The following AMOTL1 variants were observed in gnomAD, a reference collection of about 807,000 sequenced individuals.
The protein encoded by AMOTL1 is angiomotin like 1.
AMOTL1 carries 45 observed loss-of-function variants against 102.9 expected under a neutral mutation model. The ratio of observed to expected loss-of-function variants is 0.44; its 90% CI spans 0.34 to 0.56. The LOEUF (loss-of-function observed/expected upper bound fraction) is 0.56, where lower values mean the gene tolerates loss of function less well. AMOTL1 is among the 20% of genes least tolerant of loss of function. The probability of loss-of-function intolerance (pLI) is 0.01; values close to 1 mark genes in which losing one functional copy is unlikely to be tolerated. For synonymous variants in AMOTL1, 481 were observed against 484.7 expected, an observed-to-expected ratio of 0.99 and a Z score of 0.10; for missense variants, 1,114 against 1,225.6, an observed-to-expected ratio of 0.91 and a Z score of 1.36.
chr11:94,776,351 G>T (rs978606790), intron 1 of AMOTL1, among the ~76,000 whole-genome samples: 2 of 152,146 alleles, frequency 1.3e-5, no homozygotes, highest in South Asian at 2.1e-4. Context: ...CCCTTCCTTT[G>T]CATGTCTCTA....
chr11:94,829,278 C>G (rs894906844), intron 4 of AMOTL1, among the ~76,000 whole-genome samples: 2 of 147,890 alleles, frequency 1.4e-5, no homozygotes, highest in African/African-American at 5.0e-5. Context: ...GGCTGGAGTG[C>G]AGTGACGTGA....
chr11:94,870,831 A>T lies in AMOTL1; in HGVS notation c.*36A>T. 2 of 1,513,580 alleles carry T rather than the reference A, an allele frequency of 1.3e-6. No individual in the cohort carries two copies. Among genetic ancestry groups the T allele is most frequent in the Non-Finnish European group, 1.8e-6 (2 of 1,114,588 alleles). 93.8% of individuals were successfully genotyped at this position (1,513,580 alleles called of 1,614,324 possible). Reference sequence around the variant, plus strand: ...TGTGGAATTTCAGTACAGAACACTGACAAACAAGGAAAGCGGCAGAGAAAG... The same window carrying T: ...TGTGGAATTTCAGTACAGAACACTGTCAAACAAGGAAAGCGGCAGAGAAAG... On this transcript the variant is annotated 3_prime_UTR_variant, in exon 13 of 13. Coordinates refer to ENST00000433060, the MANE Select transcript of AMOTL1 (RefSeq NM_130847.3).
intron 3 of AMOTL1, chr11:94,820,264 T>C (rs1271759937): frequency 1.3e-5 from 2 of 152,316 alleles, no homozygotes; most frequent in African/African-American, 4.8e-5. Flanking sequence ...CTCTCCTCAG[T>C]TCTCACCTAG....
intron 7 of AMOTL1, 116 bp downstream of exon 7, chr11:94,850,375 C>CTTTAACCAGAGCCAATTCCA (rs1421294895): frequency 7.5e-7 from 1 of 1,326,520 alleles, no homozygotes; most frequent in Non-Finnish European, 1.0e-6. Context: ...GGAGTTGAGA[C>CTTTAACCAGAGCCAATTCCA]AGGGGAGGGA....
At chr11:94,862,048 C>T (rs1441907607) in intron 9 of AMOTL1, among the ~76,000 whole-genome samples, 2 of 152,182 alleles carry the variant, frequency 1.3e-5, no homozygotes, top group African/African-American at 4.8e-5. Context: ...CCCAGTCCCA[C>T]TGTTCCCCTT....
chr11:94,848,010 G>T (rs1489048763), intron 6 of AMOTL1, among the ~76,000 whole-genome samples: 1 of 152,138 alleles, frequency 6.6e-6, no homozygotes, highest in Non-Finnish European at 1.5e-5. Context: ...AGATCCTGTG[G>T]TTCATCTCCA....
At chr11:94,753,001 G>C (rs966468753) in intron 3 of AMOTL1, among the ~76,000 whole-genome samples, 1 of 152,030 alleles carries the variant, frequency 6.6e-6, no homozygotes, top group Non-Finnish European at 1.5e-5. Context: ...TAGACTTTAG[G>C]CTCCTTTTAT....
intron 5 of AMOTL1, among the ~76,000 whole-genome samples, chr11:94,830,549 C>G (rs150551208): frequency 1.3e-5 from 2 of 152,356 alleles, no homozygotes; most frequent in East Asian, 3.9e-4. Flanking sequence ...GACGCACAAC[C>G]CTTTCCACAT....
At chr11:94,747,121 C>T (rs907523115) in intron 3 of AMOTL1, among the ~76,000 whole-genome samples, 2 of 151,968 alleles carry the variant, frequency 1.3e-5, no homozygotes, top group Non-Finnish European at 2.9e-5. Context: ...TTTGAAAGTC[C>T]AATTTTTAAA....
At position 94,821,828 on chromosome 11, in the gene AMOTL1, G is replaced by A. The variant is rs1273694688; in HGVS notation, c.1413+7G>A. 7 of 1,612,024 alleles carry A rather than the reference G, an allele frequency of 4.3e-6. No individual in the cohort carries two copies. The East Asian group carries it at 1.3e-4, about 31-fold the overall frequency. On this transcript the variant is annotated splice_region_variant and intron_variant, in intron 4 of 12. Coordinates refer to ENST00000433060, the MANE Select transcript of AMOTL1 (RefSeq NM_130847.3). Reference sequence around the variant, plus strand: ...TGCCGACAAGCTCCACAAGGTGCGTGACTTCCCTGGGGAATGGGAGGGAGA... The same window carrying A: ...TGCCGACAAGCTCCACAAGGTGCGTAACTTCCCTGGGGAATGGGAGGGAGA...
intron 9 of AMOTL1, among the ~76,000 whole-genome samples, chr11:94,860,763 ATAAGGGC>A (rs1330324485): frequency 6.6e-6 from 1 of 152,240 alleles, no homozygotes; most frequent in Non-Finnish European, 1.5e-5. Context: ...TTCTTAATAA[ATAAGGGC>A]TATGGTACTA....
At position 94,708,899 on chromosome 11, in the gene AMOTL1, A is replaced by G. The variant is rs146138762; in HGVS notation, c.-51+2302A>G. ...AGTTAACCAGGAAAGGCCTGAGTAA[A>G]CAGGTCTGCAAATACCTGCGGACAG... On this transcript the variant is annotated intron_variant, in intron 1 of 4. Coordinates refer to the AMOTL1 transcript ENST00000299004. Among the ~76,000 whole-genome samples the G allele has an allele frequency of 5.7e-3, 870 of 152,284 alleles. 4 individuals are homozygous for G. The highest frequency in any genetic ancestry group is 0.031 in the Middle Eastern group (9 of 294).
At chr11:94,833,468 AG>A (rs760188115) in intron 6 of AMOTL1, among the ~76,000 whole-genome samples, 1 of 152,176 alleles carries the variant, frequency 6.6e-6, no homozygotes, top group Non-Finnish European at 1.5e-5. Flanking sequence ...TATTTTCTCC[AG>A]TTGTTTTTAA....
Position 94,853,968 on chromosome 11 carries a change from G to A in AMOTL1, c.1830G>A (p.Glu610=). ...AGCAAGCATATGTTGAGAAAGTTGA[G>A]AAGCTGCAGCAGGCCCTGACCCAGC... ...REKQAYVEKV[E]KLQQALTQLQ... Residue 610 remains glutamate, a synonymous_variant, in exon 8 of 13, where the codon GAG becomes GAA. Coordinates refer to ENST00000433060, the MANE Select transcript of AMOTL1 (RefSeq NM_130847.3). 6.2e-7 allele frequency: 1 copy of A among 1,608,070 alleles called. No individual in the cohort carries two copies. Among genetic ancestry groups the A allele is most frequent in the Non-Finnish European group, 8.5e-7 (1 of 1,176,994 alleles).
chr11:94,814,154 G>A (rs1276561171), intron 3 of AMOTL1, among the ~76,000 whole-genome samples: 1 of 152,094 alleles, frequency 6.6e-6, no homozygotes, highest in Non-Finnish European at 1.5e-5. Context: ...TTTTATGTCA[G>A]GTAGCAATTA....
intron 3 of AMOTL1, among the ~76,000 whole-genome samples, chr11:94,743,914 C>T (rs1421618404): frequency 6.6e-6 from 1 of 152,076 alleles, no homozygotes; most frequent in Non-Finnish European, 1.5e-5. Flanking sequence ...CCTCTTCTGT[C>T]GGCCTCCCAA....
At chr11:94,862,677 GCT>G (rs1952798327) in intron 9 of AMOTL1, among the ~76,000 whole-genome samples, 1 of 152,096 alleles carries the variant, frequency 6.6e-6, no homozygotes, top group Non-Finnish European at 1.5e-5. Context: ...AATTGTGTTT[GCT>G]CTCCTTACTT....
In AMOTL1 at chr11:94,821,918, C is replaced by G. The variant is rs1356205913; in HGVS notation, c.1413+97C>G. ...TGACTTGCCAACATTGCAGTAGACC[C>G]CTTTTTATACTAGGCCCTGTGCAAG... On this transcript the variant is annotated intron_variant, in intron 4 of 12. Transcript: ENST00000433060. 6 of 1,453,510 alleles carry G rather than the reference C, an allele frequency of 4.1e-6. No individual in the cohort carries two copies. In the Admixed American group the frequency reaches 1.1e-4, roughly 27 times the overall value. The allele number at this position is 1,453,510 out of a possible 1,614,324, so 90.0% of individuals were successfully genotyped here.
chr11:94,745,680 G>A (rs1950582263), intron 3 of AMOTL1, among the ~76,000 whole-genome samples: 1 of 152,168 alleles, frequency 6.6e-6, no homozygotes, highest in South Asian at 2.1e-4. Context: ...GACCTTGCGT[G>A]GATATGGTAA....
Sources: allele counts gnomAD v4.1 joint callset (sites outside exome capture counted in the v4.1 genomes callset), GRCh38; gene constraint gnomAD v4.1.1; transcripts MANE v1.5; gene names NCBI Gene and HGNC (gene_info 2026-07-23, HGNC 2026-07-21).